Variants in FKRP observed in about 807,000 individuals in gnomAD.
The protein encoded by FKRP is fukutin related protein.
In FKRP, 25 loss-of-function variants were observed where a neutral mutation model predicts 30.6. The observed-to-expected ratio is 0.82, with a 90% CI of 0.60 to 1.14. The LOEUF (loss-of-function observed/expected upper bound fraction) is 1.14, where lower values mean the gene tolerates loss of function less well. FKRP is among the 50% of genes most tolerant of loss of function. FKRP has a pLI of 0.00. For synonymous variants in FKRP, 358 were observed against 342.5 expected (o/e 1.05, Z -0.50); for missense variants, 771 against 727.8 (o/e 1.06, Z -0.68).
At position 46,756,092 on chromosome 19, in the gene FKRP, G is replaced by C. The variant is rs2122620240; in HGVS notation, c.642G>C (p.Leu214=). Residue 214 remains leucine, a synonymous_variant, in exon 4 of 4, where the codon CTG becomes CTC. Coordinates refer to ENST00000318584, the MANE Select transcript of FKRP (RefSeq NM_024301.5). The surrounding 1 kb of genome is among the most constrained non-coding windows in gnomAD (Gnocchi z 6.6). ...ACCTCTTCAACCTCTCGGCGCCCCTGGCCCGGCCGGTGGGCACCAGCCTCT... is the reference window on the plus strand; with the variant it reads ...ACCTCTTCAACCTCTCGGCGCCCCTCGCCCGGCCGGTGGGCACCAGCCTCT... ...ARDLFNLSAP[L]ARPVGTSLFL... is the part of the protein sequence containing the mutation. The C allele has an allele frequency of 6.5e-7, 1 of 1,541,422 alleles. No individual in the cohort carries two copies. Among genetic ancestry groups the C allele is most frequent in the East Asian group, 2.5e-5 (1 of 40,294 alleles).
At chr19:46,754,505 C>T (rs998211858) in intron 3 of FKRP, among the ~76,000 whole-genome samples, 16 of 150,864 alleles carry the variant, frequency 1.1e-4, no homozygotes, top group African/African-American at 3.9e-4. Context: ...GATCCTCTTG[C>T]CTTGGCCTCC....
rs552260353 is a variant in FKRP, at chr19:46,756,590, G to C, written c.1140G>C (p.Gly380=). 1.2e-6 allele frequency: 2 copies of C among 1,610,798 alleles called. No homozygotes were observed. Among genetic ancestry groups the C allele is most frequent in the African/African-American group, 1.3e-5 (1 of 75,046 alleles). ...TGGGCAACTGCGAGCAGCTGCGGGG[G>C]GCAGAGGCCGGCTCGGTGGTGGATG... ...EDVGNCEQLR[G]AEAGSVVDER... is the part of the protein sequence containing the mutation. Residue 380 remains glycine, a synonymous_variant, in exon 4 of 4, where the codon GGG becomes GGC. Transcript: ENST00000318584. This position sits in a 1 kb window ranked among gnomAD's most constrained non-coding sequence, Gnocchi z 6.6.
chr19:46,749,552 C>G (rs1198103143), intron 3 of FKRP, among the ~76,000 whole-genome samples: 3 of 151,278 alleles, frequency 2.0e-5, no homozygotes, highest in Non-Finnish European at 3.0e-5. Flanking sequence ...TAGTGAAACC[C>G]CATCTCTACT....
Position 46,756,051 on chromosome 19 carries a change from C to A in FKRP, c.601C>A (p.Leu201Ile). Reference sequence around the variant, plus strand: ...CGCCCTGGACGGAGATGCTGTGGTGCTCCTGCGCGCCCGCGACCTCTTCAA... The same window carrying A: ...CGCCCTGGACGGAGATGCTGTGGTGATCCTGCGCGCCCGCGACCTCTTCAA... The part of the protein sequence containing the change: ...CDALDGDAVV[L>I]LRARDLFNLS... The change falls in exon 4 of 4, where the codon CTC becomes ATC. Residue 201 changes from leucine (L) to isoleucine (I), a missense_variant. Leu to Ile is a conservative substitution (Grantham distance 5). Coordinates refer to ENST00000318584, the MANE Select transcript of FKRP (RefSeq NM_024301.5). The surrounding 1 kb of genome is among the most constrained non-coding windows in gnomAD (Gnocchi z 6.6). The A allele has an allele frequency of 6.3e-7, 1 of 1,577,610 alleles. No homozygotes were observed. Among genetic ancestry groups the A allele is most frequent in the South Asian group, 1.1e-5 (1 of 88,136 alleles).
At position 46,755,455 on chromosome 19, in the gene FKRP, G is replaced by T. The variant is rs1308459613; in HGVS notation, c.5G>T (p.Arg2Leu). ...CTAGCCCCAGACTTCGGCCCCATGC[G>T]GCTCACCCGCTGCCAGGCTGCCCTG... MRLTRCQAALAA... is the reference protein window; with the variant it reads MLLTRCQAALAA... Residue 2 changes from arginine to leucine, a missense_variant, in exon 4 of 4, where the codon CGG becomes CTG. By Grantham distance (102) the Arg-to-Leu change is moderately radical. Coordinates refer to ENST00000318584, the MANE Select transcript of FKRP (RefSeq NM_024301.5). 6.2e-7 allele frequency: 1 copy of T among 1,605,494 alleles called. No homozygotes were observed. The highest frequency in any genetic ancestry group is 1.3e-5 in the African/African-American group (1 of 74,970).
In FKRP at chr19:46,757,307, G is replaced by C. The variant is rs967031423; in HGVS notation, c.*369G>C. ...AGATTCCGAGAGCCCTGCGCTCTAG[G>C]GCAGGGGCAGAGTTTTGGAAACAGT... On this transcript the variant is annotated 3_prime_UTR_variant, in exon 4 of 4. Coordinates refer to ENST00000318584, the MANE Select transcript of FKRP (RefSeq NM_024301.5). 4.0e-5 allele frequency: 14 copies of C among 350,880 alleles called. No homozygotes were observed. Among genetic ancestry groups the C allele is most frequent in the Non-Finnish European group, 8.0e-5 (14 of 174,934 alleles). 21.7% of individuals were successfully genotyped at this position (350,880 alleles called of 1,614,324 possible). A position where few individuals can be genotyped will look rare whatever the true frequency, so the allele number is the denominator to read the frequency against.
intron 3 of FKRP, 106 bp downstream of exon 3, chr19:46,748,771 A>T (rs1235645661): frequency 6.6e-6 from 1 of 151,956 alleles, no homozygotes; most frequent in Non-Finnish European, 1.5e-5. Context: ...TTGTTTTGAG[A>T]CAGGGTCTCA....
chr19:46,745,596 G>A (rs1167757946), upstream of FKRP, among the ~76,000 whole-genome samples: 1 of 152,054 alleles, frequency 6.6e-6, no homozygotes, highest in African/African-American at 2.4e-5. Flanking sequence ...TTTCCCAGCG[G>A]GTCCCAAGTT....
intron 3 of FKRP, among the ~76,000 whole-genome samples, chr19:46,749,425 T>C: frequency 6.7e-6 from 1 of 149,414 alleles, no homozygotes; most frequent in East Asian, 2.0e-4. Flanking sequence ...TTTTTTTTTT[T>C]TTTTGAGATA....
At position 46,756,495 on chromosome 19, in the gene FKRP, G is replaced by A; in HGVS notation, c.1045G>A (p.Gly349Arg). 1 of 1,556,970 alleles carries A rather than the reference G, an allele frequency of 6.4e-7. No homozygotes were observed. The highest frequency in any genetic ancestry group is 2.0e-5 in the Admixed American group (1 of 50,966). Residue 349 changes from glycine (G) to arginine (R), a missense_variant, in exon 4 of 4, where the codon GGG becomes AGG. Gly to Arg is a moderately radical substitution (Grantham distance 125). Transcript: ENST00000318584. This position sits in a 1 kb window ranked among gnomAD's most constrained non-coding sequence, Gnocchi z 6.6. ...CTGGCTCGAGGGCGGCTCACTGCTGGGGGCCGCCCGCCACGGGGACATCAT... is the reference window on the plus strand; with the variant it reads ...CTGGCTCGAGGGCGGCTCACTGCTGAGGGCCGCCCGCCACGGGGACATCAT... ...RYWLEGGSLL[G>R]AARHGDIIPW...
rs114529423 is a variant in FKRP, at chr19:46,757,336, G to A, written c.*398G>A. On this transcript the variant is annotated 3_prime_UTR_variant, in exon 4 of 4. Coordinates refer to ENST00000318584, the MANE Select transcript of FKRP (RefSeq NM_024301.5). ...GGGGCAGAGTTTTGGAAACAGTGCA[G>A]GCTCTGGAGCCAGACTGGCGAGATT... The A allele has an allele frequency of 4.6e-3, 1,270 of 276,792 alleles. 10 individuals carry two copies. The highest frequency in any genetic ancestry group is 0.026 in the African/African-American group (1,175 of 45,662). The allele number at this position is 276,792 out of a possible 1,614,324, so 17.1% of individuals were successfully genotyped here.
chr19:46,751,034 G>T (rs530496808), intron 3 of FKRP, among the ~76,000 whole-genome samples: 14 of 151,456 alleles, frequency 9.2e-5, no homozygotes, highest in Non-Finnish European at 1.6e-4. Flanking sequence ...AAGCAGGAAT[G>T]GGGGATAGGA....
chr19:46,747,425 C>T (rs1278306301), intron 1 of FKRP: 1 of 126,900 alleles, frequency 7.9e-6, no homozygotes, highest in African/African-American at 3.0e-5. Flanking sequence ...CAGAGTGTAA[C>T]TCTTGTTGCC....
At position 46,756,246 on chromosome 19, in the gene FKRP, G is replaced by A. The variant is rs1428587266; in HGVS notation, c.796G>A (p.Ala266Thr). ...TGAGCGCGAGGGACGCGCTCGGCGGGCGGCGCTGCTCCGCGCGCTGGGCAT... is the reference window on the plus strand; with the variant it reads ...TGAGCGCGAGGGACGCGCTCGGCGGACGGCGCTGCTCCGCGCGCTGGGCAT... ...KAEREGRARR[A>T]ALLRALGIRL... is the part of the protein sequence containing the mutation. Residue 266 changes from alanine to threonine, a missense_variant, in exon 4 of 4, where the codon GCG (alanine) becomes ACG (threonine). Physicochemically the swap from Ala to Thr is moderately conservative, Grantham distance 58. Transcript: ENST00000318584. This position sits in a 1 kb window ranked among gnomAD's most constrained non-coding sequence, Gnocchi z 6.6. 4 of 1,453,778 alleles carry A rather than the reference G, an allele frequency of 2.8e-6. No homozygotes were observed. Among genetic ancestry groups the A allele is most frequent in the Non-Finnish European group, 2.7e-6 (3 of 1,108,182 alleles). The allele number at this position is 1,453,778 out of a possible 1,614,324, so 90.1% of individuals were successfully genotyped here.
intron 2 of FKRP, among the ~76,000 whole-genome samples, 151 bp downstream of exon 2, chr19:46,748,239 G>A (rs1032486927): frequency 1.8e-4 from 27 of 151,846 alleles, no homozygotes; most frequent in African/African-American, 5.8e-4. Flanking sequence ...ATGCAGTGGC[G>A]CGGTCATGGC....
chr19:46,744,926 C>A (rs2054548557), upstream of FKRP, among the ~76,000 whole-genome samples: 1 of 152,054 alleles, frequency 6.6e-6, no homozygotes, highest in Non-Finnish European at 1.5e-5. Context: ...AGGTCACAAA[C>A]CCTAGCCCAA....
At chr19:46,749,049 GTCT>G (rs2054732994) in intron 3 of FKRP, 1 of 152,214 alleles carries the variant, frequency 6.6e-6, no homozygotes. Flanking sequence ...GGCCCTGTCA[GTCT>G]TCTTTCTGTC....
intron 3 of FKRP, among the ~76,000 whole-genome samples, chr19:46,749,624 C>T (rs1411703138): frequency 3.4e-5 from 5 of 148,474 alleles, no homozygotes; most frequent in Admixed American, 1.4e-4. Flanking sequence ...ACTCAGGAGG[C>T]GGAGGCAGGG....
At position 46,757,022 on chromosome 19, in the gene FKRP, G is replaced by T; in HGVS notation, c.*84G>T. Reference sequence around the variant, plus strand: ...TGTGAGCGGTGAGGGGTGGAGGGATGTCGCGGAGAGGGGAAGGGGGAAACT... The same window carrying T: ...TGTGAGCGGTGAGGGGTGGAGGGATTTCGCGGAGAGGGGAAGGGGGAAACT... On this transcript the variant is annotated 3_prime_UTR_variant, in exon 4 of 4. Transcript: ENST00000318584. 6.5e-7 allele frequency: 1 copy of T among 1,547,356 alleles called. No individual in the cohort carries two copies. The highest frequency in any genetic ancestry group is 8.8e-7 in the Non-Finnish European group (1 of 1,130,456).
Sources: allele counts gnomAD v4.1 joint callset (sites outside exome capture counted in the v4.1 genomes callset), GRCh38; gene constraint gnomAD v4.1.1; non-coding constraint Gnocchi (gnomAD v3.1); transcripts MANE v1.5; gene names NCBI Gene and HGNC (gene_info 2026-07-23, HGNC 2026-07-21).